TRPV5: variants seen among roughly 807,000 people sequenced by gnomAD.
TRPV5 encodes the protein calcium transport protein 2.
In TRPV5, 66 loss-of-function variants were observed where a neutral mutation model predicts 74.1. The observed-to-expected ratio is 0.89, with a 90% CI of 0.73 to 1.09. The LOEUF (loss-of-function observed/expected upper bound fraction) is 1.09, where lower values mean the gene tolerates loss of function less well. Ranked by LOEUF, TRPV5 falls within the 50% of genes least tolerant of loss-of-function variation. TRPV5 has a pLI of 0.00. For synonymous variants in TRPV5, 399 were observed against 360.7 expected, an observed-to-expected ratio of 1.11 and a Z score of -1.20; for missense variants, 936 against 930.4, an observed-to-expected ratio of 1.01 and a Z score of -0.08.
intron 1 of TRPV5, among the ~76,000 whole-genome samples, chr7:142,932,145 G>A (rs185922954): frequency 5.6e-4 from 86 of 152,232 alleles, no homozygotes; most frequent in African/African-American, 2.0e-3. Flanking sequence ...CAGGGAGCCT[G>A]GTGTCCCTGA....
At chr7:142,914,269 G>C (rs967450015) in intron 12 of TRPV5, among the ~76,000 whole-genome samples, 1 of 152,114 alleles carries the variant, frequency 6.6e-6, no homozygotes, top group Non-Finnish European at 1.5e-5. Flanking sequence ...GTTAAGCATG[G>C]CACTATCTCT....
Position 142,908,574 on chromosome 7 carries a change from C to A in TRPV5, c.2130G>T (p.Gly710=), listed in dbSNP as rs770051499. ...GWEILRQNTL[G]HLNLGLNLSE... is the part of the protein sequence containing the mutation. ...TAAGGTTCAGTCCAAGATTCAAGTG[C>A]CCCAGGGTGTTTTGACGAAGGATCT... The change falls in exon 15 of 15, where the codon GGG becomes GGT. Residue 710 remains glycine (G), a synonymous_variant. Coordinates refer to ENST00000265310, the MANE Select transcript of TRPV5 (RefSeq NM_019841.7). The A allele has an allele frequency of 2.5e-6, 4 of 1,614,090 alleles. No individual in the cohort carries two copies. The highest frequency in any genetic ancestry group is 3.3e-5 in the Admixed American group (2 of 60,004).
intron 11 of TRPV5, 34 bp downstream of exon 11, chr7:142,914,830 TCTGTGAAGGTCTTGTGC>T: frequency 6.2e-7 from 1 of 1,611,196 alleles, no homozygotes; most frequent in Non-Finnish European, 8.5e-7. Context: ...CATCCCTCTG[TCTGTGAAGGTCTTGTGC>T]CTGAGGCGGA....
chr7:142,913,996 G>A (rs941661159), intron 12 of TRPV5, among the ~76,000 whole-genome samples: 6 of 151,842 alleles, frequency 4.0e-5, no homozygotes, highest in East Asian at 1.9e-4. Flanking sequence ...CTGCTGTGCC[G>A]TTCCTTTCTT....
intron 8 of TRPV5, 89 bp from the exon 9 acceptor site, chr7:142,915,657 AAAATAAAGG>A: frequency 2.3e-6 from 3 of 1,301,914 alleles, no homozygotes; most frequent in Non-Finnish European, 3.2e-6. Context: ...AAGCCCATCC[AAAATAAAGG>A]AAACTCCCCT....
At chr7:142,927,065 A>G (rs761144852) in intron 7 of TRPV5, among the ~76,000 whole-genome samples, 13 of 151,938 alleles carry the variant, frequency 8.6e-5, no homozygotes, top group African/African-American at 1.5e-4. Context: ...ACATCACTCA[A>G]CCCAGCATTG....
intron 1 of TRPV5, among the ~76,000 whole-genome samples, 175 bp downstream of exon 1, chr7:142,933,157 C>T (rs1796124069): frequency 6.6e-6 from 1 of 152,162 alleles, no homozygotes; most frequent in East Asian, 1.9e-4. Context: ...TCCACCGCCA[C>T]TAAAAGGGGC....
At chr7:142,915,835 G>T (rs920632081) in intron 8 of TRPV5, among the ~76,000 whole-genome samples, 2 of 152,208 alleles carry the variant, frequency 1.3e-5, no homozygotes, top group African/African-American at 4.8e-5. Flanking sequence ...GCTGTAAGCA[G>T]AAATTTATGA....
At chr7:142,910,449 C>T (rs142517055) in intron 13 of TRPV5, among the ~76,000 whole-genome samples, 410 of 152,278 alleles carry the variant, frequency 2.7e-3, no homozygotes, top group African/African-American at 9.4e-3. Context: ...GGCATAGTCC[C>T]GCTTTGTACC....
In TRPV5 at chr7:142,922,773, C is replaced by A. The variant is rs146119940; in HGVS notation, c.1122+2756G>T. 3.3e-5 allele frequency among the ~76,000 whole-genome samples: 5 copies of A among 152,280 alleles called. No homozygotes were observed. The East Asian group carries it at 9.7e-4, about 29-fold the overall frequency. On this transcript the variant is annotated intron_variant, in intron 8 of 14. Coordinates refer to ENST00000265310, the MANE Select transcript of TRPV5 (RefSeq NM_019841.7). ...ACCTAAGAGAACTAGTACTATAGTG[C>A]ATGCTGCTCTGCCTAAACCAAGTAG...
chr7:142,928,323 C>A, intron 6 of TRPV5, 89 bp from the exon 7 acceptor site: 3 of 1,370,448 alleles, frequency 2.2e-6, no homozygotes, highest in Non-Finnish European at 3.1e-6. Context: ...AGTTGCCCAC[C>A]CCTTGAGACA....
chr7:142,909,487 C>T lies in TRPV5; in HGVS notation c.1895+3G>A. The T allele has an allele frequency of 3.1e-6, 5 of 1,613,752 alleles. No homozygotes were observed. The South Asian group carries it at 5.5e-5, about 18-fold the overall frequency. On this transcript the variant is annotated splice_donor_region_variant and intron_variant, in intron 14 of 14. Coordinates refer to ENST00000265310, the MANE Select transcript of TRPV5 (RefSeq NM_019841.7). ...AGTTTTGCATGTGCACACCATCACT[C>T]ACCGCAGGAACCAGCGGTCCCCCAG...
chr7:142,910,088 G>A (rs931999189), intron 13 of TRPV5, among the ~76,000 whole-genome samples: 2 of 152,154 alleles, frequency 1.3e-5, no homozygotes, highest in African/African-American at 2.4e-5. Context: ...TCCACCACAC[G>A]TTCTGTCCTT....
At chr7:142,928,665 C>A in intron 6 of TRPV5, 26 bp downstream of exon 6, 3 of 1,605,464 alleles carry the variant, frequency 1.9e-6, no homozygotes, top group Non-Finnish European at 2.6e-6. Context: ...TAGAAAGACA[C>A]CTCAGGGATG....
intron 1 of TRPV5, among the ~76,000 whole-genome samples, 177 bp downstream of exon 1, chr7:142,933,155 C>T (rs1796123950): frequency 6.6e-6 from 1 of 152,180 alleles, no homozygotes; most frequent in African/African-American, 2.4e-5. Context: ...CCTCCACCGC[C>T]ACTAAAAGGG....
At chr7:142,922,558 A>T (rs1425144093) in intron 8 of TRPV5, among the ~76,000 whole-genome samples, 1 of 152,220 alleles carries the variant, frequency 6.6e-6, no homozygotes, top group Non-Finnish European at 1.5e-5. Context: ...TATTAGGTCT[A>T]CTAAAGTGTA....
rs781664550 is a variant in TRPV5 at position 142,930,462 on chromosome 7, C to T, written c.129-16G>A. Reference sequence around the variant, plus strand: ...CTCTAGAATCCTGGGGAAAGGTGAACGTGAGTTTGGAAGAGACAGTCATAG... The same window carrying T: ...CTCTAGAATCCTGGGGAAAGGTGAATGTGAGTTTGGAAGAGACAGTCATAG... On this transcript the variant is annotated splice_polypyrimidine_tract_variant and intron_variant, in intron 1 of 14. Coordinates refer to ENST00000265310, the MANE Select transcript of TRPV5 (RefSeq NM_019841.7). 5.0e-6 allele frequency: 8 copies of T among 1,600,098 alleles called. No individual in the cohort carries two copies. Among genetic ancestry groups the T allele is most frequent in the Admixed American group, 1.7e-5 (1 of 60,000 alleles).
chr7:142,912,734 G>T lies in TRPV5; in HGVS notation c.1536C>A (p.Phe512Leu). 1.2e-6 allele frequency: 2 copies of T among 1,614,074 alleles called. No individual in the cohort carries two copies. The highest frequency in any genetic ancestry group is 1.7e-6 in the Non-Finnish European group (2 of 1,179,926). The change falls in exon 13 of 15, where the codon TTC (phenylalanine) becomes TTA (leucine). Residue 512 changes from phenylalanine (F) to leucine (L), a missense_variant. By Grantham distance (22) the Phe-to-Leu change is conservative. Coordinates refer to ENST00000265310, the MANE Select transcript of TRPV5 (RefSeq NM_019841.7). ...CCAGACTGGTTGGGTCCTCTGTCTG[G>T]AAAATGATATAGAACGCTGCTCCGC... is the stretch of plus-strand genomic sequence containing the variant. The part of the protein sequence containing the change: ...LGFASAFYII[F>L]QTEDPTSLGQ...
chr7:142,910,974 T>G (rs1282272191), intron 13 of TRPV5, among the ~76,000 whole-genome samples: 2 of 152,150 alleles, frequency 1.3e-5, no homozygotes, highest in East Asian at 3.8e-4. Context: ...TTCCTTAGAT[T>G]CAACGATGTG....
Sources: allele counts gnomAD v4.1 joint callset (sites outside exome capture counted in the v4.1 genomes callset), GRCh38; gene constraint gnomAD v4.1.1; transcripts MANE v1.5; gene names NCBI Gene and HGNC (gene_info 2026-07-23, HGNC 2026-07-21).